The following CPT1B variants were observed in gnomAD, a reference collection of about 807,000 sequenced individuals.
The protein encoded by CPT1B is carnitine O-palmitoyltransferase 1, muscle isoform.
In CPT1B, 57 loss-of-function variants were observed where a neutral mutation model predicts 92.7. The observed-to-expected ratio is 0.62, with a 90% CI of 0.50 to 0.77. The LOEUF (loss-of-function observed/expected upper bound fraction) is 0.77, where lower values mean the gene tolerates loss of function less well. Ranked by LOEUF, CPT1B falls within the 30% of genes least tolerant of loss-of-function variation. The probability of loss-of-function intolerance (pLI) is 0.00; values close to 1 mark genes in which losing one functional copy is unlikely to be tolerated. For missense variants in CPT1B, 983 were observed against 1,017.4 expected (o/e 0.97, Z 0.46); for synonymous variants, 398 against 383.5 (o/e 1.04, Z -0.44).
At chr22:50,576,671 C>A in intron 4 of CPT1B, 34 bp from the exon 5 acceptor site, 1 of 1,602,250 alleles carries the variant, frequency 6.2e-7, no homozygotes, top group Non-Finnish European at 8.5e-7. Context: ...GGGGTGGGAG[C>A]CAGTGGAAAA....
chr22:50,574,495 G>T lies in CPT1B; in HGVS notation c.883C>A (p.Pro295Thr). The T allele has an allele frequency of 6.2e-7, 1 of 1,614,122 alleles. No individual in the cohort carries two copies. Among genetic ancestry groups the T allele is most frequent in the Non-Finnish European group, 8.5e-7 (1 of 1,180,012 alleles). Residue 295 changes from proline to threonine, a missense_variant and splice_region_variant, in exon 8 of 20, where the codon CCT (proline) becomes ACT (threonine). By Grantham distance (38) the Pro-to-Thr change is conservative (BLOSUM62 -1). Coordinates refer to ENST00000312108, the MANE Select transcript of CPT1B (RefSeq NM_152246.3). ...CCTTCAACCCTGACGCAACTCACAGGCTTGATTTCTTCACGGTCCAGTTTA... is the reference window on the plus strand; with the variant it reads ...CCTTCAACCCTGACGCAACTCACAGTCTTGATTTCTTCACGGTCCAGTTTA... ...RRKLDREEIK[P>T]VMALGIVPMC...
At chr22:50,577,223 T>C in intron 3 of CPT1B, 101 bp downstream of exon 3, 2 of 1,506,604 alleles carry the variant, frequency 1.3e-6, no homozygotes, top group South Asian at 1.2e-5. Flanking sequence ...TGACTGCCAA[T>C]GGCTGCTGTC....
chr22:50,572,930 C>T lies in CPT1B; in HGVS notation c.1297G>A (p.Glu433Lys). The change falls in exon 11 of 20, where the codon GAG becomes AAG. Residue 433 changes from glutamate to lysine, a missense_variant. Coordinates refer to ENST00000312108, the MANE Select transcript of CPT1B (RefSeq NM_152246.3). ...TTGCCATAGAGGCTGAGGCTGGCCT[C>T]ATCTTCGGGGTCATAGGAGTAGGAT... The part of the protein sequence containing the change: ...EESYSYDPED[E>K]ASLSLYGKAL... 6.2e-7 allele frequency: 1 copy of T among 1,613,592 alleles called. No homozygotes were observed. The highest frequency in any genetic ancestry group is 1.1e-5 in the South Asian group (1 of 91,088).
At chr22:50,570,848 G>C (rs986376513) in intron 16 of CPT1B, 43 bp downstream of exon 16, 7 of 1,599,608 alleles carry the variant, frequency 4.4e-6, no homozygotes, top group Non-Finnish European at 3.4e-6. Context: ...CCTGCGTGTA[G>C]GAGGGCAGTG....
intron 13 of CPT1B, 194 bp from the exon 14 acceptor site, chr22:50,571,733 AG>A: frequency 1.5e-6 from 1 of 668,638 alleles, no homozygotes; most frequent in East Asian, 2.7e-5. Context: ...TGTGGGTAAG[AG>A]GGAAGTGCTG....
At chr22:50,570,771 A>T (rs1403010344) in intron 16 of CPT1B, 120 bp downstream of exon 16, 14 of 1,363,856 alleles carry the variant, frequency 1.0e-5, no homozygotes, top group African/African-American at 1.4e-5. Context: ...CTGGCCCAGC[A>T]CTCCAGGGAG....
chr22:50,576,685 G>A, intron 4 of CPT1B, 48 bp from the exon 5 acceptor site: 1 of 1,593,658 alleles, frequency 6.3e-7, no homozygotes, highest in Non-Finnish European at 8.6e-7. Context: ...TGGAAAAAAT[G>A]GAAACCAACC....
At chr22:50,575,891 T>C (rs1246718467) in intron 7 of CPT1B, 144 bp downstream of exon 7, 2 of 723,064 alleles carry the variant, frequency 2.8e-6, no homozygotes, top group Non-Finnish European at 2.4e-6. Flanking sequence ...CCTCTCTCTC[T>C]TCCCTTTCCC....
intron 13 of CPT1B, 111 bp downstream of exon 13, chr22:50,571,895 G>T: frequency 9.6e-7 from 1 of 1,038,864 alleles, no homozygotes; most frequent in Non-Finnish European, 1.5e-6. Flanking sequence ...CTTCCCGAGG[G>T]CTGGGCCAGG....
rs201021591 is a variant in CPT1B, at chr22:50,576,019, G to A, written c.777+16C>T. The A allele has an allele frequency of 3.8e-5, 62 of 1,613,202 alleles. No individual in the cohort carries two copies. In the East Asian group the frequency reaches 1.3e-3, roughly 35 times the overall value. On this transcript the variant is annotated intron_variant, in intron 7 of 19. Coordinates refer to ENST00000312108, the MANE Select transcript of CPT1B (RefSeq NM_152246.3). ...GAGCTGAGCACGTGCGGGGACCTGG[G>A]GGCTCTAGTTCATACCATGACATAA...
At position 50,569,398 on chromosome 22, in the gene CPT1B, G is replaced by A; in HGVS notation, c.2259C>T (p.His753=). 6.2e-7 allele frequency: 1 copy of A among 1,614,170 alleles called. No individual in the cohort carries two copies. The highest frequency in any genetic ancestry group is 8.5e-7 in the Non-Finnish European group (1 of 1,180,030). The change falls in exon 19 of 20, where the codon CAC becomes CAT. Residue 753 remains histidine (H), a synonymous_variant. Transcript: ENST00000312108. ...CAATGTCCAGCAGGGCTTTGCGGAT[G>A]TGGTTTCCAAAGCGCTGGGCGTTCT... ...SETNAQRFGN[H]IRKALLDIAD... is the part of the protein sequence containing the mutation.
chr22:50,576,723 TC>T (rs1336677156), intron 4 of CPT1B, 86 bp from the exon 5 acceptor site: 1 of 1,554,390 alleles, frequency 6.4e-7, no homozygotes, highest in East Asian at 2.2e-5. Context: ...CTCAGAGCCA[TC>T]CCAGCCCCTC....
chr22:50,577,553 C>T lies in CPT1B; in HGVS notation c.142-90G>A, dbSNP rs2070510058. The T allele has an allele frequency of 2.6e-6, 4 of 1,539,096 alleles. No homozygotes were observed. In the Admixed American group the frequency reaches 5.9e-5, roughly 23 times the overall value. On this transcript the variant is annotated intron_variant, in intron 2 of 19. Transcript: ENST00000312108. ...TTGGGAACTGGCTCCTGGTCTTGGC[C>T]TGGAAGGCTTTCTCTCCTGATGCCC...
Position 50,576,966 on chromosome 22 carries a change from C to A in CPT1B, c.350G>T (p.Trp117Leu), listed in dbSNP as rs536660086. 5.6e-6 allele frequency: 9 copies of A among 1,614,122 alleles called. No individual in the cohort carries two copies. In the South Asian group the frequency reaches 8.8e-5, roughly 16 times the overall value. The change falls in exon 4 of 20, where the codon TGG (tryptophan) becomes TTG (leucine). Residue 117 changes from tryptophan to leucine, a missense_variant. Transcript: ENST00000312108. ...LSMAIFSTGVWVTGIFFFRQT... is the reference protein window; with the variant it reads ...LSMAIFSTGVLVTGIFFFRQT... ...GCGGAAGAAGAAGATGCCCGTCACC[C>A]AGACGCCCGTGGAGAAGATGGCCAT...
At chr22:50,576,369 A>G in intron 5 of CPT1B, 34 bp from the exon 6 acceptor site, 1 of 1,613,640 alleles carries the variant, frequency 6.2e-7, no homozygotes, top group Non-Finnish European at 8.5e-7. Flanking sequence ...GTGGGGCCAG[A>G]TGGCAAGGGC....
Position 50,576,585 on chromosome 22 carries a change from G to A in CPT1B, c.512C>T (p.Thr171Ile), listed in dbSNP as rs2070448805. ...GGGCACAGGAAGCTTGGGCAGAGAT[G>A]TCTGGAAGCTGTAGAGCATAGGGTG... The part of the protein sequence containing the change: ...SRHPMLYSFQ[T>I]SLPKLPVPRV... Residue 171 changes from threonine (T) to isoleucine (I), a missense_variant, in exon 5 of 20, where the codon ACA (threonine) becomes ATA (isoleucine). Thr to Ile is a moderately conservative substitution (Grantham distance 89). Transcript: ENST00000312108. 6.2e-7 allele frequency: 1 copy of A among 1,609,128 alleles called. No individual in the cohort carries two copies. The highest frequency in any genetic ancestry group is 1.7e-5 in the Admixed American group (1 of 58,982).
rs2070417649 is a variant in CPT1B, at chr22:50,576,082, G to A, written c.730C>T (p.Leu244Phe). The A allele has an allele frequency of 5.6e-6, 9 of 1,614,038 alleles. No homozygotes were observed. The highest frequency in any genetic ancestry group is 4.5e-5 in the East Asian group (2 of 44,892). ...VSDWWEEYIY[L>F]RGRSPLMVNS... ...ACCATGAGAGGGCTCCTGCCTCGAA[G>A]GTAGATGTACTCTTCCCACCAGTCA... The change falls in exon 7 of 20, where the codon CTT (leucine) becomes TTT (phenylalanine). Residue 244 changes from leucine (L) to phenylalanine (F), a missense_variant. Coordinates refer to ENST00000312108, the MANE Select transcript of CPT1B (RefSeq NM_152246.3).
At position 50,573,114 on chromosome 22, in the gene CPT1B, C is replaced by A. The variant is rs184205640; in HGVS notation, c.1167-54G>T. The stretch of plus-strand genomic sequence containing the variant: ...GCACGTGGACTTGGGATGAGGGTGC[C>A]TCTGAGGGCCTGGCTGGACCTGGAG... On this transcript the variant is annotated intron_variant, in intron 10 of 19. Coordinates refer to ENST00000312108, the MANE Select transcript of CPT1B (RefSeq NM_152246.3). The surrounding 1 kb of genome is among the most constrained non-coding windows in gnomAD (Gnocchi z 5.0). 2 of 1,488,680 alleles carry A rather than the reference C, an allele frequency of 1.3e-6. No individual in the cohort carries two copies. The highest frequency in any genetic ancestry group is 1.8e-6 in the Non-Finnish European group (2 of 1,092,612). The allele number at this position is 1,488,680 out of a possible 1,614,324, so 92.2% of individuals were successfully genotyped here. A position where few individuals can be genotyped will look rare whatever the true frequency, so the allele number is the denominator to read the frequency against.
Position 50,574,526 on chromosome 22 carries a change from A to G in CPT1B, c.852T>C (p.Tyr284=). ...LGNIIHAMIM[Y]RRKLDREEIK... ...TTTCTTCACGGTCCAGTTTACGGCG[A>G]TACATGATCATGGCGTGGATGATGT... The change falls in exon 8 of 20, where the codon TAT becomes TAC. Residue 284 remains tyrosine (Y), a synonymous_variant. Transcript: ENST00000312108. 1 of 1,614,152 alleles carries G rather than the reference A, an allele frequency of 6.2e-7. No homozygotes were observed. Among genetic ancestry groups the G allele is most frequent in the Non-Finnish European group, 8.5e-7 (1 of 1,180,028 alleles).
Sources: gnomAD v4.1 joint callset for allele counts on GRCh38, gnomAD v4.1.1 for gene constraint, Gnocchi (gnomAD v3.1) non-coding constraint, MANE v1.5 for transcripts, NCBI Gene and HGNC (gene_info 2026-07-23, HGNC 2026-07-21) for gene names.